DDX54: variants seen among roughly 807,000 people sequenced by gnomAD.
The protein encoded by DDX54 is DEAD-box helicase 54.
A neutral mutation model predicts 105.5 loss-of-function variants in DDX54; 67 were observed. The ratio of observed to expected loss-of-function variants is 0.64; its 90% CI spans 0.52 to 0.78. DDX54 has a LOEUF of 0.78. DDX54 is among the 30% of genes least tolerant of loss of function. DDX54 has a pLI of 0.00. For synonymous variants in DDX54, 514 were observed against 509.9 expected, an observed-to-expected ratio of 1.01 and a Z score of -0.11; for missense variants, 1,206 against 1,230.5, an observed-to-expected ratio of 0.98 and a Z score of 0.30.
chr12:113,177,211 G>A, intron 5 of DDX54, 118 bp from the exon 6 acceptor site: 1 of 1,231,318 alleles, frequency 8.1e-7, no homozygotes, highest in South Asian at 1.4e-5. Flanking sequence ...CCCAAGGCTT[G>A]GAACTGAGGA....
Position 113,184,130 on chromosome 12 carries a change from G to A in DDX54, c.174+1148C>T, listed in dbSNP as rs1205154077. ...CCTGGCTATTTTTGTATTTTTAGTA[G>A]AGACAGGGTTTCACCATGTTGGCCA... On this transcript the variant is annotated intron_variant, in intron 1 of 19. Coordinates refer to ENST00000306014, the MANE Select transcript of DDX54 (RefSeq NM_024072.4). Among the ~76,000 whole-genome samples the A allele has an allele frequency of 2.0e-5, 3 of 152,236 alleles. No individual in the cohort carries two copies. The East Asian group carries it at 5.8e-4, about 29-fold the overall frequency.
rs1952386496 is a variant in DDX54, at chr12:113,175,033, C to CA, written c.874+2dup. 6.2e-7 allele frequency: 1 copy of CA among 1,613,692 alleles called. No homozygotes were observed. The highest frequency in any genetic ancestry group is 1.7e-5 in the Admixed American group (1 of 60,000). On this transcript the variant is annotated splice_region_variant and intron_variant, in intron 8 of 19. Transcript: ENST00000306014. ...CCCCCATCTCCACCCCCAGCTCACG[C>CA]ACCAGCCCGGGCAAATTCCACCAGC... is the stretch of plus-strand genomic sequence containing the variant.
Position 113,164,223 on chromosome 12 carries a change from C to A in DDX54, c.1782G>T (p.Arg594=), listed in dbSNP as rs766545356. ...DLCSQVMRAK[R]QKDRKAIARF... ...GGGCGATGGCCTTGCGGTCCTTCTGCCGCTTGGCGCGCATCACCTGGCTGC... is the reference window on the plus strand; with the variant it reads ...GGGCGATGGCCTTGCGGTCCTTCTGACGCTTGGCGCGCATCACCTGGCTGC... Residue 594 remains arginine, a synonymous_variant, in exon 15 of 20, where the codon CGG becomes CGT. Transcript: ENST00000306014. 12 of 1,589,850 alleles carry A rather than the reference C, an allele frequency of 7.5e-6. No homozygotes were observed. The East Asian group carries it at 2.1e-4, about 27-fold the overall frequency.
rs56221503 is a variant in DDX54 at position 113,166,303 on chromosome 12, C to T, written c.1415-271G>A. 2.6e-3 allele frequency among the ~76,000 whole-genome samples: 398 copies of T among 152,312 alleles called. 4 individuals are homozygous for T. Among genetic ancestry groups the T allele is most frequent in the African/African-American group, 8.3e-3 (343 of 41,558 alleles). On this transcript the variant is annotated intron_variant, in intron 12 of 19. Coordinates refer to ENST00000306014, the MANE Select transcript of DDX54 (RefSeq NM_024072.4). ...GAGCACAGCTCACTACTTGCTTACGCATGGTCTCCAGCTGTTTTTGCACTA... is the reference window on the plus strand; with the variant it reads ...GAGCACAGCTCACTACTTGCTTACGTATGGTCTCCAGCTGTTTTTGCACTA...
chr12:113,174,683 A>G lies in DDX54; in HGVS notation c.1025T>C (p.Val342Ala), dbSNP rs762286710. ...HNVVRPQDQT[V>A]VFVATKHHAE... ...GTGGTGCTTCGTGGCCACAAACACC[A>G]CGGTCTGGTCCTGGGGCCGCACCAC... Residue 342 changes from valine (V) to alanine (A), a missense_variant, in exon 10 of 20, where the codon GTG (valine) becomes GCG (alanine). Val to Ala is a moderately conservative substitution (Grantham distance 64). Around this residue, in one of 3 missense-constraint regions of DDX54, gnomAD observed 961 missense variants for 1,019.1 expected, o/e 0.94. Coordinates refer to ENST00000306014, the MANE Select transcript of DDX54 (RefSeq NM_024072.4). The G allele has an allele frequency of 6.2e-7, 1 of 1,610,518 alleles. No homozygotes were observed. The highest frequency in any genetic ancestry group is 8.5e-7 in the Non-Finnish European group (1 of 1,177,000).
At chr12:113,176,488 AC>A (rs2136323794) in intron 7 of DDX54, among the ~76,000 whole-genome samples, 1 of 152,172 alleles carries the variant, frequency 6.6e-6, no homozygotes, top group Non-Finnish European at 1.5e-5. Flanking sequence ...AATCACTAGA[AC>A]CCGGAAGGCG....
intron 12 of DDX54, among the ~76,000 whole-genome samples, chr12:113,167,783 C>G (rs1328029245): frequency 6.6e-6 from 1 of 152,212 alleles, no homozygotes; most frequent in East Asian, 1.9e-4. Context: ...CCTTCCCTCC[C>G]TCTGCCCCTC....
intron 11 of DDX54, 112 bp from the exon 12 acceptor site, chr12:113,170,016 A>C: frequency 7.0e-7 from 1 of 1,438,346 alleles, no homozygotes; most frequent in Non-Finnish European, 9.3e-7. Context: ...CGAACCTCAC[A>C]CGGCTGCTGT....
At chr12:113,166,061 G>T in intron 12 of DDX54, 29 bp from the exon 13 acceptor site, 1 of 1,574,766 alleles carries the variant, frequency 6.4e-7, no homozygotes, top group Non-Finnish European at 8.6e-7. Flanking sequence ...CTTGTCAGAG[G>T]TCTTTCAGCC....
Position 113,163,067 on chromosome 12 carries a change from CAT to C in DDX54, c.2082-24_2082-23del, listed in dbSNP as rs1462567595. On this transcript the variant is annotated intron_variant, in intron 16 of 19. Coordinates refer to ENST00000306014, the MANE Select transcript of DDX54 (RefSeq NM_024072.4). This position sits in a 1 kb window ranked among gnomAD's most constrained non-coding sequence, Gnocchi z 5.9. Reference sequence around the variant, plus strand: ...CAGGCTGCAGAGGGAGAGTGGGAGACATAATTGGATTGATGGGACCCAGCGGA... The same window carrying C: ...CAGGCTGCAGAGGGAGAGTGGGAGACAATTGGATTGATGGGACCCAGCGGA... The C allele has an allele frequency of 6.2e-7, 1 of 1,609,006 alleles. No homozygotes were observed. Among genetic ancestry groups the C allele is most frequent in the Admixed American group, 1.7e-5 (1 of 59,708 alleles).
chr12:113,165,586 GT>G (rs1952261380), intron 14 of DDX54, 57 bp downstream of exon 14: 1 of 1,521,238 alleles, frequency 6.6e-7, no homozygotes, highest in Non-Finnish European at 8.9e-7. Flanking sequence ...CAGGCCATCT[GT>G]CTCTGGGCTC....
At chr12:113,171,243 CA>C in intron 11 of DDX54, among the ~76,000 whole-genome samples, 1 of 152,154 alleles carries the variant, frequency 6.6e-6, no homozygotes, top group East Asian at 1.9e-4. Flanking sequence ...TAACAGTTAC[CA>C]GGGGCTGCGG....
Position 113,157,951 on chromosome 12 carries a change from G to A in DDX54, c.*926C>T. 1 of 504,692 alleles carries A rather than the reference G, an allele frequency of 2.0e-6. No individual in the cohort carries two copies. The highest frequency in any genetic ancestry group is 2.9e-5 in the South Asian group (1 of 34,544). 31.3% of individuals were successfully genotyped at this position (504,692 alleles called of 1,614,324 possible). A position where few individuals can be genotyped will look rare whatever the true frequency, so the allele number is the denominator to read the frequency against. On this transcript the variant is annotated 3_prime_UTR_variant, in exon 20 of 20. Coordinates refer to ENST00000306014, the MANE Select transcript of DDX54 (RefSeq NM_024072.4). ...TGCCTCTAAAATGAGATCAGACCAG[G>A]CCCTCCCTGCCAGGGTGGTTGGGGC...
chr12:113,157,512 C>G lies in DDX54; in HGVS notation c.*1365G>C. ...TAATGAGGGGATCTCCAGTCCCCGC[C>G]CTACCTTTCGGCCTCCCCCGCGTGT... On this transcript the variant is annotated 3_prime_UTR_variant, in exon 20 of 20. Transcript: ENST00000306014. 9.7e-7 allele frequency: 1 copy of G among 1,031,788 alleles called. No homozygotes were observed. Among genetic ancestry groups the G allele is most frequent in the South Asian group, 1.4e-5 (1 of 72,768 alleles). 63.9% of individuals were successfully genotyped at this position (1,031,788 alleles called of 1,614,324 possible).
At position 113,185,323 on chromosome 12, in the gene DDX54, G is replaced by T; in HGVS notation, c.129C>A (p.Asp43Glu). 6.3e-7 allele frequency: 1 copy of T among 1,585,540 alleles called. No homozygotes were observed. ...ASQARGSDSE[D>E]GEFEIQAEDD... Reference sequence around the variant, plus strand: ...CTTCCGCCTGGATCTCAAACTCGCCGTCCTCCGAGTCGCTGCCGCGGGCCT... The same window carrying T: ...CTTCCGCCTGGATCTCAAACTCGCCTTCCTCCGAGTCGCTGCCGCGGGCCT... The change falls in exon 1 of 20, where the codon GAC becomes GAA. Residue 43 changes from aspartate to glutamate, a missense_variant. This residue lies in a region of DDX54 where 212 missense variants were observed against 155.4 expected (regional missense o/e 1.36). Coordinates refer to ENST00000306014, the MANE Select transcript of DDX54 (RefSeq NM_024072.4).
chr12:113,177,974 C>T (rs1461278091), intron 5 of DDX54, among the ~76,000 whole-genome samples: 3 of 152,232 alleles, frequency 2.0e-5, no homozygotes, highest in African/African-American at 4.8e-5. Context: ...TGGTGGCTTA[C>T]GCCTGTAATC....
In DDX54 at chr12:113,172,444, G is replaced by A. The variant is rs1258600438; in HGVS notation, c.1188C>T (p.Asp396=). 4 of 1,614,156 alleles carry A rather than the reference G, an allele frequency of 2.5e-6. No homozygotes were observed. In the South Asian group the frequency reaches 3.3e-5, roughly 13 times the overall value. ...GGATGTCCAGGCCTCGGGCGGCCAG[G>A]TCAGTCACAATGAGAGTGGAGCACT... The part of the protein sequence containing the change: ...LGKCSTLIVT[D]LAARGLDIPL... Residue 396 remains aspartate (D), a synonymous_variant, in exon 11 of 20, where the codon GAC becomes GAT. Coordinates refer to ENST00000306014, the MANE Select transcript of DDX54 (RefSeq NM_024072.4).
At position 113,158,586 on chromosome 12, in the gene DDX54, C is replaced by A; in HGVS notation, c.*291G>T. On this transcript the variant is annotated 3_prime_UTR_variant, in exon 20 of 20. Coordinates refer to ENST00000306014, the MANE Select transcript of DDX54 (RefSeq NM_024072.4). This position sits in a 1 kb window ranked among gnomAD's most constrained non-coding sequence, Gnocchi z 4.9. ...CCGGTGCAGCCATGACCTCTGAACC[C>A]AGAACACATGGAAGCAGCAGCAGCT... 2.4e-6 allele frequency: 1 copy of A among 413,450 alleles called. No individual in the cohort carries two copies. The highest frequency in any genetic ancestry group is 4.3e-6 in the Non-Finnish European group (1 of 233,142). 25.6% of individuals were successfully genotyped at this position (413,450 alleles called of 1,614,324 possible).
In DDX54 at chr12:113,179,324, G is replaced by A. The variant is rs369762348; in HGVS notation, c.383C>T (p.Pro128Leu). ...VPTPIQRKTI[P>L]VILDGKDVVA... is the part of the protein sequence containing the mutation. ...CACGTCCTTGCCATCCAAGATCACC[G>A]GGATGGTCTGGAGAGGCACAAGCAG... Residue 128 changes from proline to leucine, a missense_variant, in exon 4 of 20, where the codon CCG becomes CTG. Transcript: ENST00000306014. 5.1e-5 allele frequency: 82 copies of A among 1,612,694 alleles called. No homozygotes were observed. The highest frequency in any genetic ancestry group is 1.2e-4 in the Admixed American group (7 of 59,990).
Sources: allele counts gnomAD v4.1 joint callset (sites outside exome capture counted in the v4.1 genomes callset), GRCh38; gene constraint gnomAD v4.1.1; regional missense constraint gnomAD v4.1.1; non-coding constraint Gnocchi (gnomAD v3.1); transcripts MANE v1.5; gene names NCBI Gene and HGNC (gene_info 2026-07-23, HGNC 2026-07-21).